Variants in SRGAP1 observed in about 807,000 individuals in gnomAD.
The protein encoded by SRGAP1 is SLIT-ROBO Rho GTPase activating protein 1, also known as SLIT-ROBO Rho GTPase-activating protein 1.
Under a neutral mutation model 121.9 loss-of-function variants are expected in SRGAP1, and 43 were observed. The observed-to-expected ratio is 0.35, with a 90% confidence interval of 0.28 to 0.46. SRGAP1 has a LOEUF of 0.46. SRGAP1 is among the 20% of genes least tolerant of loss of function. The pLI, the probability that SRGAP1 is intolerant of heterozygous loss-of-function variation, is 1.00. For synonymous variants in SRGAP1, 447 were observed against 485.4 expected, an observed-to-expected ratio of 0.92 and a Z score of 1.04; for missense variants, 1,102 against 1,350.9, an observed-to-expected ratio of 0.82 and a Z score of 2.89.
intron 10 of SRGAP1, among the ~76,000 whole-genome samples, chr12:64,083,575 C>T (rs1413223511): frequency 6.6e-6 from 1 of 152,164 alleles, no homozygotes. Context: ...TAAGACCAAA[C>T]TCATTATTAT....
chr12:63,999,993 G>A (rs544308951), intron 3 of SRGAP1, among the ~76,000 whole-genome samples: 86 of 152,216 alleles, frequency 5.6e-4, no homozygotes, highest in Non-Finnish European at 1.1e-3. Context: ...TGAGGTGTCC[G>A]GAAAGCTAAG....
intron 1 of SRGAP1, among the ~76,000 whole-genome samples, chr12:63,884,462 C>T (rs551248949): frequency 6.6e-6 from 1 of 152,020 alleles, no homozygotes; most frequent in East Asian, 1.9e-4. Context: ...CAGTACATAC[C>T]TGTGTTGTAT....
chr12:64,141,581 G>A (rs116509070), intron 21 of SRGAP1, among the ~76,000 whole-genome samples: 2 of 151,866 alleles, frequency 1.3e-5, no homozygotes, highest in African/African-American at 2.4e-5. Context: ...CTGCATCTTG[G>A]GGGGGGAAAA....
At chr12:64,006,232 T>C (rs1215922303) in intron 3 of SRGAP1, among the ~76,000 whole-genome samples, 1 of 152,156 alleles carries the variant, frequency 6.6e-6, no homozygotes. Context: ...AGGACAAGGC[T>C]CTGAATTTCT....
intron 1 of SRGAP1, among the ~76,000 whole-genome samples, chr12:63,980,077 G>A (rs2033206708): frequency 6.6e-6 from 1 of 152,158 alleles, no homozygotes; most frequent in African/African-American, 2.4e-5. Context: ...TTGAGACAGG[G>A]TGTCACTCTG....
intron 1 of SRGAP1, among the ~76,000 whole-genome samples, chr12:63,921,243 G>A (rs1410704248): frequency 1.3e-5 from 2 of 152,182 alleles, no homozygotes; most frequent in East Asian, 1.9e-4. Context: ...CCACCAGTTT[G>A]CACCTTGAGT....
At chr12:64,133,789 TAGA>T (rs1323197244) in intron 21 of SRGAP1, among the ~76,000 whole-genome samples, 1 of 152,182 alleles carries the variant, frequency 6.6e-6, no homozygotes, top group Non-Finnish European at 1.5e-5. Context: ...CCATCCAACC[TAGA>T]AGTTTTCTGC....
chr12:64,074,525 A>G (rs1039224), intron 8 of SRGAP1, among the ~76,000 whole-genome samples: 1,881 of 152,292 alleles, frequency 0.012, 38 homozygotes, highest in African/African-American at 0.043. Flanking sequence ...CAAGAAGGCC[A>G]GGGTCTCTCT....
At chr12:63,924,649 C>T (rs932551976) in intron 1 of SRGAP1, among the ~76,000 whole-genome samples, 3 of 152,110 alleles carry the variant, frequency 2.0e-5, no homozygotes, top group South Asian at 2.1e-4. Flanking sequence ...GAGGGGTTTC[C>T]GTGACTTTTT....
chr12:64,062,816 C>T, intron 6 of SRGAP1, 101 bp from the exon 7 acceptor site: 2 of 793,580 alleles, frequency 2.5e-6, no homozygotes, highest in South Asian at 1.8e-5. Context: ...AAGCTTACCC[C>T]CATGTTTCCT....
At chr12:64,114,217 C>T (rs2036479282) in intron 17 of SRGAP1, among the ~76,000 whole-genome samples, 1 of 151,786 alleles carries the variant, frequency 6.6e-6, no homozygotes, top group Non-Finnish European at 1.5e-5. Context: ...GGGAAAGATA[C>T]TGACTGAGCT....
At chr12:63,964,392 T>C (rs1436264827) in intron 1 of SRGAP1, among the ~76,000 whole-genome samples, 1 of 152,204 alleles carries the variant, frequency 6.6e-6, no homozygotes, top group Non-Finnish European at 1.5e-5. Context: ...TCATCCTTCA[T>C]GCAACAGTGT....
intron 21 of SRGAP1, among the ~76,000 whole-genome samples, chr12:64,133,977 G>A (rs549867953): frequency 9.7e-4 from 147 of 152,064 alleles, no homozygotes; most frequent in African/African-American, 2.3e-3. Context: ...ATTGAGTGTC[G>A]CCTTGCCTTT....
intron 1 of SRGAP1, chr12:63,871,708 C>T: frequency 2.4e-6 from 2 of 841,654 alleles, no homozygotes; most frequent in East Asian, 2.5e-5. Flanking sequence ...AACATTTTCT[C>T]TTCAAAATTA....
chr12:63,887,162 C>A (rs1440751475), intron 1 of SRGAP1, among the ~76,000 whole-genome samples: 1 of 152,204 alleles, frequency 6.6e-6, no homozygotes, highest in African/African-American at 2.4e-5. Flanking sequence ...GCGTGAGCCA[C>A]CGTGCCTGGC....
intron 4 of SRGAP1, among the ~76,000 whole-genome samples, chr12:64,023,799 C>T (rs889056696): frequency 1.3e-5 from 2 of 152,140 alleles, no homozygotes; most frequent in African/African-American, 2.4e-5. Flanking sequence ...ATTTATTTCC[C>T]GCAGCAGCAC....
chr12:64,137,028 C>T (rs1177822145), intron 21 of SRGAP1, among the ~76,000 whole-genome samples: 1 of 152,084 alleles, frequency 6.6e-6, no homozygotes, highest in African/African-American at 2.4e-5. Flanking sequence ...CTTTGGGAGG[C>T]TGAGGCGCAT....
At chr12:63,954,958 T>A (rs564217433) in intron 1 of SRGAP1, among the ~76,000 whole-genome samples, 2 of 152,198 alleles carry the variant, frequency 1.3e-5, no homozygotes, top group Admixed American at 6.5e-5. Context: ...TCCTTTTTTT[T>A]AAATTAAGCT....
At chr12:64,014,928 T>C (rs191814990) in intron 3 of SRGAP1, among the ~76,000 whole-genome samples, 3 of 152,278 alleles carry the variant, frequency 2.0e-5, no homozygotes, top group African/African-American at 7.2e-5. Context: ...GCAGTTCTCA[T>C]GCCTCAGCTT....
Sources: gnomAD v4.1 joint callset for allele counts (sites outside exome capture counted in the v4.1 genomes callset) on GRCh38, gnomAD v4.1.1 for gene constraint, MANE v1.5 for transcripts, NCBI Gene and HGNC (gene_info 2026-07-23, HGNC 2026-07-21) for gene names.